The following DNAI1 variants were observed in gnomAD, a reference collection of about 807,000 sequenced individuals.
DNAI1 encodes dynein axonemal intermediate chain 1.
A neutral mutation model predicts 92.0 loss-of-function variants in DNAI1; 67 were observed. The ratio of observed to expected loss-of-function variants is 0.73; its 90% confidence interval spans 0.60 to 0.89. The LOEUF is 0.89. Among genes scored for constraint, DNAI1 ranks in the 40% least tolerant of loss-of-function variants. The pLI is 0.00. For missense variants in DNAI1, 839 were observed against 866.6 expected (o/e 0.97, Z 0.40); for synonymous variants, 323 against 319.6 (o/e 1.01, Z -0.11).
chr9:34,469,736 G>A (rs1424467521), intron 1 of DNAI1, among the ~76,000 whole-genome samples: 8 of 151,938 alleles, frequency 5.3e-5, no homozygotes, highest in Non-Finnish European at 1.2e-4. Context: ...CACCACCATG[G>A]TGGCTAATTT....
chr9:34,490,136 T>C lies in DNAI1; in HGVS notation c.501+12T>C, dbSNP rs1260345155. The C allele has an allele frequency of 1.2e-6, 2 of 1,613,716 alleles. No homozygotes were observed. Among genetic ancestry groups the C allele is most frequent in the African/African-American group, 2.7e-5 (2 of 75,020 alleles). On this transcript the variant is annotated intron_variant, in intron 6 of 19. Coordinates refer to ENST00000242317, the MANE Select transcript of DNAI1 (RefSeq NM_012144.4). Reference sequence around the variant, plus strand: ...TGCCTGCAGCTGGGGTACAGTATAATATCGCTCTGTGTCCCTCTTCTTCCA... The same window carrying C: ...TGCCTGCAGCTGGGGTACAGTATAACATCGCTCTGTGTCCCTCTTCTTCCA...
At chr9:34,511,659 AT>A (rs1825067342) in intron 13 of DNAI1, among the ~76,000 whole-genome samples, 1 of 152,136 alleles carries the variant, frequency 6.6e-6, no homozygotes, top group South Asian at 2.1e-4. Flanking sequence ...ATAGTATCTC[AT>A]TTATTTCTCA....
chr9:34,477,193 T>A (rs933581694), intron 1 of DNAI1, among the ~76,000 whole-genome samples: 10 of 151,980 alleles, frequency 6.6e-5, no homozygotes, highest in South Asian at 2.1e-4. Flanking sequence ...TTAAAAAAAA[T>A]TTTTATGTGG....
chr9:34,500,607 C>A, intron 10 of DNAI1, 115 bp from the exon 11 acceptor site: 1 of 724,084 alleles, frequency 1.4e-6, no homozygotes. Flanking sequence ...GTATTATTCC[C>A]ACTCTAAAAC....
chr9:34,520,590 G>C, intron 19 of DNAI1, 68 bp from the exon 20 acceptor site: 1 of 1,413,148 alleles, frequency 7.1e-7, no homozygotes. Context: ...GGGCAGAGGA[G>C]GTGGTGCTGG....
intron 8 of DNAI1, among the ~76,000 whole-genome samples, chr9:34,492,497 TA>T (rs1400112271): frequency 8.6e-5 from 2 of 23,172 alleles, no homozygotes; most frequent in Non-Finnish European, 1.4e-4. Context: ...TATGAAGATA[TA>T]TATATATATA....
chr9:34,481,221 C>T (rs938349156), intron 1 of DNAI1, among the ~76,000 whole-genome samples: 7 of 152,298 alleles, frequency 4.6e-5, no homozygotes, highest in African/African-American at 1.4e-4. Context: ...CCAGCCTGGG[C>T]GAAAGAGTGA....
At chr9:34,494,144 A>C (rs1374196531) in intron 9 of DNAI1, among the ~76,000 whole-genome samples, 1 of 151,952 alleles carries the variant, frequency 6.6e-6, no homozygotes, top group Non-Finnish European at 1.5e-5. Flanking sequence ...GGTTTTCAGC[A>C]CCTCGGAGAG....
chr9:34,512,702 AG>A (rs1228379014), intron 15 of DNAI1, among the ~76,000 whole-genome samples: 4 of 152,190 alleles, frequency 2.6e-5, no homozygotes, highest in African/African-American at 9.7e-5. Flanking sequence ...TATGCAGATC[AG>A]GCCCCTGTTT....
Position 34,512,216 on chromosome 9 carries a change from A to G in DNAI1, c.1401+18A>G, listed in dbSNP as rs761612387. The G allele has an allele frequency of 3.1e-6, 5 of 1,612,760 alleles. No homozygotes were observed. The highest frequency in any genetic ancestry group is 1.1e-5 in the South Asian group (1 of 91,056). On this transcript the variant is annotated intron_variant, in intron 14 of 19. Coordinates refer to ENST00000242317, the MANE Select transcript of DNAI1 (RefSeq NM_012144.4). ...TCGTGAAGGTGCCTATTTCCCAGAG[A>G]GGGTCACACTGGGGTGATTGGGGAG...
chr9:34,478,451 G>T (rs879877086), intron 1 of DNAI1, among the ~76,000 whole-genome samples: 2 of 152,176 alleles, frequency 1.3e-5, no homozygotes, highest in Non-Finnish European at 2.9e-5. Context: ...TCCTATAAGA[G>T]AACTGAGAAG....
chr9:34,458,811 T>C lies in DNAI1; in HGVS notation c.-195T>C. ...TGCGCCTTGGCTGCTGGTCGGTTGC[T>C]GGGTAACCGCGTCAGGGAGTTGGAT... On this transcript the variant is annotated 5_prime_UTR_variant, in exon 1 of 20. Coordinates refer to ENST00000242317, the MANE Select transcript of DNAI1 (RefSeq NM_012144.4). This position sits in a 1 kb window ranked among gnomAD's most constrained non-coding sequence, Gnocchi z 6.6. 1.5e-6 allele frequency: 1 copy of C among 645,520 alleles called. No homozygotes were observed. The highest frequency in any genetic ancestry group is 2.3e-5 in the Admixed American group (1 of 43,992). The allele number at this position is 645,520 out of a possible 1,614,324, so 40.0% of individuals were successfully genotyped here. A position where few individuals can be genotyped will look rare whatever the true frequency, so the allele number is the denominator to read the frequency against.
chr9:34,497,121 G>A lies in DNAI1; in HGVS notation c.823G>A (p.Asp275Asn), dbSNP rs1824741026. The A allele has an allele frequency of 1.2e-6, 2 of 1,613,906 alleles. No homozygotes were observed. The highest frequency in any genetic ancestry group is 1.7e-6 in the Non-Finnish European group (2 of 1,179,778). Residue 275 changes from aspartate to asparagine, a missense_variant, in exon 10 of 20, where the codon GAT (aspartate) becomes AAT (asparagine). Physicochemically the swap from Asp to Asn is conservative, Grantham distance 23. Coordinates refer to ENST00000242317, the MANE Select transcript of DNAI1 (RefSeq NM_012144.4). ...KLTSMESQTD[D>N]LIKLSQAAKI... is the part of the protein sequence containing the mutation. ...AGTTTCTGTATCCCCACAGACTGAT[G>A]ATCTCATCAAATTGTCCCAAGCTGC...
Position 34,490,505 on chromosome 9 carries a change from C to T in DNAI1, c.621+17C>T. On this transcript the variant is annotated intron_variant, in intron 7 of 19. Coordinates refer to ENST00000242317, the MANE Select transcript of DNAI1 (RefSeq NM_012144.4). ...CCTGTCCGGGTAGAGCAGCCCCCACCCTAGCCCCTTTGCAGCTCTTCACTG... is the reference window on the plus strand; with the variant it reads ...CCTGTCCGGGTAGAGCAGCCCCCACTCTAGCCCCTTTGCAGCTCTTCACTG... 6.2e-7 allele frequency: 1 copy of T among 1,613,766 alleles called. No homozygotes were observed. The highest frequency in any genetic ancestry group is 2.2e-5 in the East Asian group (1 of 44,886).
At chr9:34,459,862 A>G (rs989389408) in intron 1 of DNAI1, among the ~76,000 whole-genome samples, 1 of 152,248 alleles carries the variant, frequency 6.6e-6, no homozygotes, top group Admixed American at 6.5e-5. Context: ...AACAGAATAC[A>G]GGACAGGCTA....
chr9:34,505,201 G>C (rs1455387867), intron 12 of DNAI1, among the ~76,000 whole-genome samples: 1 of 152,144 alleles, frequency 6.6e-6, no homozygotes, highest in Non-Finnish European at 1.5e-5. Context: ...AAACCAGGTG[G>C]TAACAGGGCT....
intron 1 of DNAI1, among the ~76,000 whole-genome samples, chr9:34,479,611 G>T (rs72735237): frequency 6.6e-6 from 1 of 152,116 alleles, no homozygotes; most frequent in South Asian, 2.1e-4. Context: ...TCTATTTAAG[G>T]CTTGTGGTTT....
intron 12 of DNAI1, among the ~76,000 whole-genome samples, chr9:34,506,228 C>T (rs1824926617): frequency 6.6e-6 from 1 of 152,128 alleles, no homozygotes; most frequent in Non-Finnish European, 1.5e-5. Context: ...GGGAGGGGTA[C>T]ATGGGCATTA....
chr9:34,513,044 A>T (rs1001991340), intron 15 of DNAI1, 68 bp from the exon 16 acceptor site: 110 of 1,251,564 alleles, frequency 8.8e-5, no homozygotes, highest in Non-Finnish European at 1.2e-4. Flanking sequence ...TCCTCTGCTG[A>T]GTAGGGGAGG....
Sources: allele counts gnomAD v4.1 joint callset (sites outside exome capture counted in the v4.1 genomes callset), GRCh38; gene constraint gnomAD v4.1.1; non-coding constraint Gnocchi (gnomAD v3.1); transcripts MANE v1.5; gene names NCBI Gene and HGNC (gene_info 2026-07-23, HGNC 2026-07-21).